Variants in BICC1 observed in about 807,000 individuals in gnomAD.
BICC1 encodes the protein BicC family RNA binding protein 1, also known as protein bicaudal C homolog 1.
Under a neutral mutation model 111.0 loss-of-function variants are expected in BICC1, and 43 were observed. The observed-to-expected ratio is 0.39, with a 90% CI of 0.30 to 0.50. The LOEUF (loss-of-function observed/expected upper bound fraction) is 0.50, where lower values mean the gene tolerates loss of function less well. Among genes scored for constraint, BICC1 ranks in the 20% least tolerant of loss-of-function variants. The pLI, the probability that BICC1 is intolerant of heterozygous loss-of-function variation, is 0.88. For missense variants in BICC1, 1,091 were observed against 1,203.2 expected (o/e 0.91, Z 1.38); for synonymous variants, 467 against 434.4 (o/e 1.07, Z -0.93).
chr10:58,552,035 AT>A (rs1373645024), intron 1 of BICC1, among the ~76,000 whole-genome samples: 8 of 151,292 alleles, frequency 5.3e-5, no homozygotes, highest in African/African-American at 1.7e-4. Context: ...TTTAATGCTC[AT>A]TTTGTGTGCT....
intron 1 of BICC1, among the ~76,000 whole-genome samples, chr10:58,619,300 C>T (rs1200123053): frequency 6.6e-6 from 1 of 151,988 alleles, no homozygotes; most frequent in Non-Finnish European, 1.5e-5. Flanking sequence ...CTTGGAATTT[C>T]CAGAAACATG....
chr10:58,806,888 A>G lies in BICC1; in HGVS notation c.2222-116A>G, dbSNP rs78940409. 4.4e-3 allele frequency: 4,158 copies of G among 948,858 alleles called. 67 individuals are homozygous for G. Among genetic ancestry groups the G allele is most frequent in the African/African-American group, 0.036 (2,168 of 60,030 alleles). 58.8% of individuals were successfully genotyped at this position (948,858 alleles called of 1,614,324 possible). ...TATTTTTAGACATTTTGTGTTAAGA[A>G]ATAACATTCAGTGATAATTTCTTCA... On this transcript the variant is annotated intron_variant, in intron 16 of 20. Coordinates refer to ENST00000373886, the MANE Select transcript of BICC1 (RefSeq NM_001080512.3).
At position 58,621,903 on chromosome 10, in the gene BICC1, T is replaced by TTAGAATAGAATAGAATAGAA. The variant is rs60609267; in HGVS notation, c.237+1050_237+1069dup. ...ACAGAGTGAGACTTTGTCTCTAAAA[T>TTAGAATAGAATAGAATAGAA]TAGAATAGAATAGAATAGAATAGAA... On this transcript the variant is annotated intron_variant, in intron 2 of 20. Transcript: ENST00000373886. Among the ~76,000 whole-genome samples the TTAGAATAGAATAGAATAGAA allele has an allele frequency of 6.6e-3, 295 of 44,780 alleles. 10 individuals are homozygous for TTAGAATAGAATAGAATAGAA. Among genetic ancestry groups the TTAGAATAGAATAGAATAGAA allele is most frequent in the East Asian group, 0.013 (23 of 1,830 alleles). The allele number at this position is 44,780 out of a possible 152,430, so 29.4% of individuals were successfully genotyped here.
chr10:58,661,311 ATTTCTCTCTGGAGTTTAG>A (rs1217858875), intron 2 of BICC1, among the ~76,000 whole-genome samples: 2 of 149,090 alleles, frequency 1.3e-5, no homozygotes, highest in Non-Finnish European at 3.0e-5. Context: ...GTTCCATGTC[ATTTCTCTCTGGAGTTTAG>A]AAATGGCATT....
At chr10:58,769,660 C>A (rs943287095) in intron 3 of BICC1, among the ~76,000 whole-genome samples, 1 of 151,804 alleles carries the variant, frequency 6.6e-6, no homozygotes, top group East Asian at 1.9e-4. Context: ...ACTATATTTA[C>A]ATAAACAGTT....
At chr10:58,725,798 G>A (rs886236114) in intron 3 of BICC1, among the ~76,000 whole-genome samples, 7 of 152,138 alleles carry the variant, frequency 4.6e-5, no homozygotes, top group Non-Finnish European at 1.0e-4. Context: ...ACATCCCAGA[G>A]GCTGATGGTT....
chr10:58,557,812 A>T (rs960141386), intron 1 of BICC1, among the ~76,000 whole-genome samples: 1 of 151,828 alleles, frequency 6.6e-6, no homozygotes, highest in Non-Finnish European at 1.5e-5. Flanking sequence ...TAACAATTCT[A>T]TGTTGGTTTC....
intron 2 of BICC1, among the ~76,000 whole-genome samples, chr10:58,647,071 T>G (rs1047341232): frequency 6.6e-6 from 1 of 152,180 alleles, no homozygotes; most frequent in Non-Finnish European, 1.5e-5. Flanking sequence ...CTAATCATCT[T>G]CCTATGGTAG....
chr10:58,785,218 C>T, intron 4 of BICC1, 138 bp downstream of exon 4: 1 of 501,554 alleles, frequency 2.0e-6, no homozygotes. Context: ...ACATGTGATT[C>T]TACAGTGGAT....
At chr10:58,712,481 A>G (rs1840605687) in intron 3 of BICC1, among the ~76,000 whole-genome samples, 1 of 152,250 alleles carries the variant, frequency 6.6e-6, no homozygotes, top group Admixed American at 6.5e-5. Flanking sequence ...GTGAATGGAT[A>G]AATGTGGTAC....
intron 3 of BICC1, among the ~76,000 whole-genome samples, chr10:58,738,201 C>T (rs1841535961): frequency 6.6e-6 from 1 of 152,160 alleles, no homozygotes; most frequent in African/African-American, 2.4e-5. Flanking sequence ...AGGTTTTCTT[C>T]TAGGGTTTTT....
At chr10:58,737,259 GCA>G (rs1344436704) in intron 3 of BICC1, among the ~76,000 whole-genome samples, 4 of 151,798 alleles carry the variant, frequency 2.6e-5, no homozygotes, top group Admixed American at 6.6e-5. Context: ...TCCCCCCACC[GCA>G]CAACAGTCCC....
chr10:58,654,261 A>T (rs2132261838), intron 2 of BICC1, among the ~76,000 whole-genome samples: 1 of 123,676 alleles, frequency 8.1e-6, no homozygotes, highest in Non-Finnish European at 1.7e-5. Flanking sequence ...TGCCACACTG[A>T]CTTCCACAAT....
At chr10:58,730,899 A>C (rs1277749320) in intron 3 of BICC1, among the ~76,000 whole-genome samples, 1 of 152,122 alleles carries the variant, frequency 6.6e-6, no homozygotes, top group Non-Finnish European at 1.5e-5. Flanking sequence ...CTCCCTGCCT[A>C]TGATGGGAGA....
intron 1 of BICC1, among the ~76,000 whole-genome samples, chr10:58,595,037 A>G (rs1400090979): frequency 2.0e-5 from 3 of 152,204 alleles, no homozygotes; most frequent in Admixed American, 6.5e-5. Flanking sequence ...TTACCAAGCA[A>G]ATGGAAAGCA....
chr10:58,760,469 T>A (rs1842281610), intron 3 of BICC1, among the ~76,000 whole-genome samples: 1 of 152,198 alleles, frequency 6.6e-6, no homozygotes, highest in Non-Finnish European at 1.5e-5. Context: ...TCTGAATCAT[T>A]TATTTAATTG....
At chr10:58,535,650 G>A (rs1442535631) in intron 1 of BICC1, among the ~76,000 whole-genome samples, 1 of 151,592 alleles carries the variant, frequency 6.6e-6, no homozygotes, top group Non-Finnish European at 1.5e-5. Context: ...AATTCACACG[G>A]CTTATAAAAC....
At chr10:58,740,354 CAG>C (rs1210290154) in intron 3 of BICC1, among the ~76,000 whole-genome samples, 2 of 152,180 alleles carry the variant, frequency 1.3e-5, no homozygotes, top group African/African-American at 4.8e-5. Context: ...GGAAACTTAT[CAG>C]AGTCTTAAGG....
At chr10:58,647,389 C>T (rs974544160) in intron 2 of BICC1, among the ~76,000 whole-genome samples, 4 of 152,144 alleles carry the variant, frequency 2.6e-5, no homozygotes, top group African/African-American at 4.8e-5. Context: ...AAAATAACTT[C>T]GCTGCTTTGG....
Sources: gnomAD v4.1 joint callset for allele counts (sites outside exome capture counted in the v4.1 genomes callset) on GRCh38, gnomAD v4.1.1 for gene constraint, MANE v1.5 for transcripts, NCBI Gene and HGNC (gene_info 2026-07-23, HGNC 2026-07-21) for gene names.